CCDC73: variants seen among roughly 807,000 people sequenced by gnomAD.
The protein encoded by CCDC73 is coiled-coil domain-containing protein 73.
In CCDC73, 95 loss-of-function variants were observed where a neutral mutation model predicts 116.5. That is an observed-to-expected ratio of 0.82 (90% confidence interval 0.69 to 0.97). The LOEUF (loss-of-function observed/expected upper bound fraction) is 0.97, where lower values mean the gene tolerates loss of function less well. CCDC73 is among the 50% of genes least tolerant of loss of function. CCDC73 has a pLI of 0.00. For synonymous variants in CCDC73, 398 were observed against 401.3 expected (o/e 0.99, Z 0.10); for missense variants, 1,066 against 1,206.8 (o/e 0.88, Z 1.73).
At chr11:32,630,348 C>T (rs545887162) in intron 14 of CCDC73, among the ~76,000 whole-genome samples, 4 of 152,002 alleles carry the variant, frequency 2.6e-5, no homozygotes, top group South Asian at 2.1e-4. Context: ...TTTTGTTTTG[C>T]GGGGAAGGGA....
chr11:32,746,233 T>C (rs1253624239), intron 2 of CCDC73, among the ~76,000 whole-genome samples: 2 of 152,202 alleles, frequency 1.3e-5, no homozygotes, highest in Non-Finnish European at 2.9e-5. Flanking sequence ...TTCTTTTCTT[T>C]AAGAATGTTG....
rs781350717 is a variant in CCDC73, at chr11:32,614,175, A to G, written c.2143T>C (p.Phe715Leu). The G allele has an allele frequency of 6.2e-7, 1 of 1,613,942 alleles. No homozygotes were observed. Among genetic ancestry groups the G allele is most frequent in the Non-Finnish European group, 8.5e-7 (1 of 1,179,894 alleles). Residue 715 changes from phenylalanine to leucine, a missense_variant, in exon 16 of 18, where the codon TTT becomes CTT. Phe to Leu is a conservative substitution (Grantham distance 22, BLOSUM62 0). Transcript: ENST00000335185. ...VIDHHVSYAA[F>L]SANSKLLLKN... ...AGAAGTAGTTTTGAATTAGCACTAAAAGCAGCATATGAAACATGGTGGTCG... is the reference window on the plus strand; with the variant it reads ...AGAAGTAGTTTTGAATTAGCACTAAGAGCAGCATATGAAACATGGTGGTCG...
intron 6 of CCDC73, among the ~76,000 whole-genome samples, chr11:32,691,071 T>A (rs367740542): frequency 1.3e-5 from 2 of 151,584 alleles, no homozygotes; most frequent in South Asian, 4.2e-4. Flanking sequence ...TCAAGACCAG[T>A]CTCACTCTTG....
intron 2 of CCDC73, among the ~76,000 whole-genome samples, chr11:32,749,409 G>A (rs1850267354): frequency 6.6e-6 from 1 of 151,672 alleles, no homozygotes; most frequent in African/African-American, 2.4e-5. Context: ...AATTTATTTG[G>A]CAGAATTCTA....
At chr11:32,689,621 T>C (rs1346245260) in intron 6 of CCDC73, among the ~76,000 whole-genome samples, 2 of 151,932 alleles carry the variant, frequency 1.3e-5, no homozygotes, top group Admixed American at 1.3e-4. Context: ...ATAGAACATC[T>C]ATAAAAGAAA....
intron 2 of CCDC73, among the ~76,000 whole-genome samples, chr11:32,733,732 A>C (rs1435572537): frequency 1.3e-5 from 2 of 152,200 alleles, no homozygotes; most frequent in Non-Finnish European, 2.9e-5. Flanking sequence ...GAGAACAAAG[A>C]CACAACATAC....
chr11:32,796,971 C>A (rs926763624), upstream of CCDC73, among the ~76,000 whole-genome samples: 10 of 145,302 alleles, frequency 6.9e-5, no homozygotes, highest in African/African-American at 2.6e-4. Flanking sequence ...GAGATCACAC[C>A]ACTCCACTCC....
At chr11:32,733,499 A>G (rs1483120977) in intron 2 of CCDC73, among the ~76,000 whole-genome samples, 1 of 152,204 alleles carries the variant, frequency 6.6e-6, no homozygotes, top group East Asian at 1.9e-4. Context: ...CTTATTCCAA[A>G]ATTGACCACA....
chr11:32,661,475 A>AG (rs1855925800), intron 9 of CCDC73, among the ~76,000 whole-genome samples: 1 of 108,044 alleles, frequency 9.3e-6, no homozygotes, highest in African/African-American at 3.7e-5. Context: ...GACAGGCTCT[A>AG]GTGTGTGATG....
chr11:32,706,631 T>C (rs1849858375), intron 3 of CCDC73, among the ~76,000 whole-genome samples: 1 of 152,142 alleles, frequency 6.6e-6, no homozygotes, highest in Admixed American at 6.5e-5. Flanking sequence ...GTATTCAACT[T>C]CTCATTTTAT....
At chr11:32,813,369 C>A in the CCDC73 span, among the ~76,000 whole-genome samples, 145,739 of 152,174 alleles carry the variant, frequency 0.96, 69,835 homozygotes, top group East Asian at 1. Context: ...CGATCCTCCC[C>A]CCTCAGCCTT....
chr11:32,667,046 G>A (rs535964254), intron 9 of CCDC73, among the ~76,000 whole-genome samples: 4 of 152,266 alleles, frequency 2.6e-5, no homozygotes, highest in Non-Finnish European at 4.4e-5. Flanking sequence ...GCACACGGTC[G>A]GCCGTGTGAG....
chr11:32,667,871 C>A (rs1433710482), intron 9 of CCDC73, among the ~76,000 whole-genome samples: 1 of 152,132 alleles, frequency 6.6e-6, no homozygotes, highest in Admixed American at 6.5e-5. Context: ...AGAGAAAAAA[C>A]TTATGTGAAT....
chr11:32,613,976 T>C lies in CCDC73; in HGVS notation c.2342A>G (p.Asn781Ser). ...NVNISHLHLN[N>S]ENSHASQAKD... is the part of the protein sequence containing the mutation. ...GGCTTGTGAAGCATGACTATTCTCA[T>C]TGTTAAGATGAAGATGGGAAATGTT... Residue 781 changes from asparagine to serine, a missense_variant, in exon 16 of 18, where the codon AAT becomes AGT. Coordinates refer to ENST00000335185, the MANE Select transcript of CCDC73 (RefSeq NM_001008391.4). 5 of 1,610,942 alleles carry C rather than the reference T, an allele frequency of 3.1e-6. No individual in the cohort carries two copies. Among genetic ancestry groups the C allele is most frequent in the East Asian group, 2.2e-5 (1 of 44,850 alleles).
At chr11:32,708,715 T>C (rs1291827053) in intron 3 of CCDC73, among the ~76,000 whole-genome samples, 2 of 152,164 alleles carry the variant, frequency 1.3e-5, no homozygotes, top group African/African-American at 4.8e-5. Context: ...CTCAGCTTGA[T>C]TGCTATTGGT....
At chr11:32,802,030 T>A in the CCDC73 span, among the ~76,000 whole-genome samples, 1 of 152,166 alleles carries the variant, frequency 6.6e-6, no homozygotes, top group Non-Finnish European at 1.5e-5. Context: ...ACAATGAATA[T>A]AAAGCACTAG....
chr11:32,661,827 C>A lies in CCDC73; in HGVS notation c.646-6855G>T, dbSNP rs145463565. Among the ~76,000 whole-genome samples the A allele has an allele frequency of 7.1e-3, 1,078 of 151,948 alleles. 15 individuals carry two copies. The highest frequency in any genetic ancestry group is 0.025 in the African/African-American group (1,039 of 41,382). On this transcript the variant is annotated intron_variant, in intron 9 of 17. Coordinates refer to ENST00000335185, the MANE Select transcript of CCDC73 (RefSeq NM_001008391.4). ...TTAGATATATCTCCTAATGCTATCC[C>A]TCCCCTCTCCCCCGACCCCACAACA... is the stretch of plus-strand genomic sequence containing the variant.
intron 6 of CCDC73, among the ~76,000 whole-genome samples, chr11:32,689,503 C>T (rs1856234780): frequency 6.6e-6 from 1 of 151,470 alleles, no homozygotes; most frequent in African/African-American, 2.4e-5. Flanking sequence ...ACAGAAGAAT[C>T]TCAAAGATAT....
intron 16 of CCDC73, among the ~76,000 whole-genome samples, chr11:32,611,597 TG>T (rs1855423327): frequency 6.6e-6 from 1 of 152,164 alleles, no homozygotes; most frequent in African/African-American, 2.4e-5. Context: ...TTCCCACACA[TG>T]TAAGCATTTG....
Sources: gnomAD v4.1 joint callset for allele counts (sites outside exome capture counted in the v4.1 genomes callset) on GRCh38, gnomAD v4.1.1 for gene constraint, MANE v1.5 for transcripts, NCBI Gene and HGNC (gene_info 2026-07-23, HGNC 2026-07-21) for gene names.